MACROD2: variants seen among roughly 807,000 people sequenced by gnomAD.
MACROD2 encodes the protein ADP-ribose glycohydrolase MACROD2.
MACROD2 carries 36 observed loss-of-function variants against 70.4 expected under a neutral mutation model. The observed-to-expected ratio is 0.51, with a 90% confidence interval of 0.39 to 0.68. The LOEUF (loss-of-function observed/expected upper bound fraction) is 0.68. Ranked by LOEUF, MACROD2 falls within the 30% of genes least tolerant of loss-of-function variation. MACROD2 has a pLI of 0.00. For missense variants in MACROD2, 496 were observed against 538.4 expected (o/e 0.92, Z 0.78); for synonymous variants, 172 against 178.8 (o/e 0.96, Z 0.30).
intron 5 of MACROD2, among the ~76,000 whole-genome samples, chr20:15,017,967 C>T (rs1200479869): frequency 2.6e-5 from 4 of 152,200 alleles, no homozygotes; most frequent in Non-Finnish European, 4.4e-5. Flanking sequence ...AGTTCTCTGA[C>T]ATGGCCTGGA....
chr20:15,879,603 C>G (rs35671388), intron 9 of MACROD2, among the ~76,000 whole-genome samples: 16,068 of 152,130 alleles, frequency 0.11, 1,359 homozygotes, highest in East Asian at 0.27. Flanking sequence ...TATGTCACTC[C>G]TCTGCTCAAA....
intron 4 of MACROD2, among the ~76,000 whole-genome samples, chr20:14,539,062 T>C (rs910695630): frequency 2.6e-5 from 4 of 152,176 alleles, no homozygotes; most frequent in Non-Finnish European, 2.9e-5. Context: ...AATGAGTGAA[T>C]GAATGAACAA....
intron 9 of MACROD2, among the ~76,000 whole-genome samples, chr20:15,872,901 C>A (rs190052828): frequency 2.6e-5 from 4 of 152,208 alleles, no homozygotes; most frequent in Admixed American, 1.3e-4. Context: ...TGCTATATGT[C>A]ATTTAACATA....
At chr20:14,489,730 T>G (rs1211921699) in intron 3 of MACROD2, among the ~76,000 whole-genome samples, 1 of 152,172 alleles carries the variant, frequency 6.6e-6, no homozygotes. Context: ...GTTTAAAGAC[T>G]GGTTTCCCAG....
At chr20:14,523,168 G>A (rs1310772048) in intron 4 of MACROD2, among the ~76,000 whole-genome samples, 1 of 152,036 alleles carries the variant, frequency 6.6e-6, no homozygotes, top group Admixed American at 6.6e-5. Context: ...AGGAAGCAAA[G>A]GGATAGTTAC....
chr20:14,486,776 C>T (rs2084740656), intron 3 of MACROD2, among the ~76,000 whole-genome samples: 1 of 151,996 alleles, frequency 6.6e-6, no homozygotes, highest in Admixed American at 6.6e-5. Flanking sequence ...ACCTTGGCCT[C>T]CCAAAGTGCT....
At chr20:14,754,850 G>A (rs2071919687) in intron 5 of MACROD2, among the ~76,000 whole-genome samples, 1 of 146,580 alleles carries the variant, frequency 6.8e-6, no homozygotes. Flanking sequence ...ATGAACTTAA[G>A]GATCACAGTT....
At chr20:14,135,509 T>TC in intron 3 of MACROD2, among the ~76,000 whole-genome samples, 1 of 152,098 alleles carries the variant, frequency 6.6e-6, no homozygotes, top group East Asian at 1.9e-4. Context: ...CTCTACAATT[T>TC]TTTTTTTTAA....
Position 14,613,438 on chromosome 20 carries a change from A to C in MACROD2, c.302-71405A>C, listed in dbSNP as rs1024186373. On this transcript the variant is annotated intron_variant, in intron 4 of 17. Transcript: ENST00000684519. ...ATGGGGAGCAACAGAAGGTAACAGG[A>C]ATGATTGAGAGGGAGACAAAGAGAC... 2.6e-5 allele frequency among the ~76,000 whole-genome samples: 4 copies of C among 152,134 alleles called. No homozygotes were observed. The East Asian group carries it at 7.8e-4, about 29-fold the overall frequency.
rs540726785 is a variant in MACROD2 at position 14,702,628 on chromosome 20, T to C, written c.418+17669T>C. Reference sequence around the variant, plus strand: ...ATATATATGTGTATATATATATACATATATATATGTATATATATATACACA... The same window carrying C: ...ATATATATGTGTATATATATATACACATATATATGTATATATATATACACA... On this transcript the variant is annotated intron_variant, in intron 5 of 17. Coordinates refer to ENST00000684519, the MANE Select transcript of MACROD2 (RefSeq NM_001351661.2). Among the ~76,000 whole-genome samples, 531 of 123,662 alleles carry C rather than the reference T, an allele frequency of 4.3e-3. 45 individuals are homozygous for C. The highest frequency in any genetic ancestry group is 0.014 in the African/African-American group (428 of 30,116). The allele number at this position is 123,662 out of a possible 152,430, so 81.1% of individuals were successfully genotyped here.
rs66890047 is a variant in MACROD2 at position 14,101,993 on chromosome 20, C to CTTT, written c.271+16291_271+16293dup. Among the ~76,000 whole-genome samples, 16 of 25,050 alleles carry CTTT rather than the reference C, an allele frequency of 6.4e-4. 1 individual carries two copies. Among genetic ancestry groups the CTTT allele is most frequent in the South Asian group, 3.3e-3 (1 of 304 alleles). 16.4% of individuals were successfully genotyped at this position (25,050 alleles called of 152,430 possible). ...ATAATTTGGATGTCTTTTAATGAGT[C>CTTT]TTTTTTTTTTTTTTTTTTTTTTTTT... On this transcript the variant is annotated intron_variant, in intron 3 of 17. Transcript: ENST00000684519.
intron 4 of MACROD2, among the ~76,000 whole-genome samples, chr20:14,515,951 A>G (rs979651061): frequency 5.4e-5 from 8 of 148,006 alleles, no homozygotes; most frequent in African/African-American, 2.0e-4. Context: ...TACATTGTAC[A>G]TTATATATTA....
chr20:14,726,818 G>A (rs2071535667), intron 5 of MACROD2, among the ~76,000 whole-genome samples: 1 of 152,102 alleles, frequency 6.6e-6, no homozygotes, highest in South Asian at 2.1e-4. Flanking sequence ...AGCTTATGTG[G>A]CAGTAATAGG....
intron 6 of MACROD2, among the ~76,000 whole-genome samples, chr20:15,405,086 C>T (rs1238834586): frequency 6.6e-6 from 1 of 152,056 alleles, no homozygotes; most frequent in African/African-American, 2.4e-5. Context: ...ATAGGCAAAT[C>T]CATACACACA....
At chr20:14,958,999 G>C (rs2074560712) in intron 5 of MACROD2, among the ~76,000 whole-genome samples, 1 of 152,164 alleles carries the variant, frequency 6.6e-6, no homozygotes, top group Non-Finnish European at 1.5e-5. Context: ...TGTTGGCCTA[G>C]TTGCCCTCTA....
intron 8 of MACROD2, among the ~76,000 whole-genome samples, chr20:15,733,541 A>G (rs1335206186): frequency 6.6e-6 from 1 of 152,204 alleles, no homozygotes; most frequent in African/African-American, 2.4e-5. Context: ...GCATCATAAA[A>G]AAATTGATGT....
At chr20:15,152,075 G>A (rs909911716) in intron 5 of MACROD2, among the ~76,000 whole-genome samples, 3 of 151,902 alleles carry the variant, frequency 2.0e-5, no homozygotes, top group African/African-American at 4.8e-5. Context: ...ATGCCTGGAC[G>A]TCAGGCATCT....
intron 8 of MACROD2, among the ~76,000 whole-genome samples, chr20:15,613,303 C>T (rs2048995172): frequency 6.6e-6 from 1 of 152,186 alleles, no homozygotes; most frequent in Admixed American, 6.5e-5. Context: ...TTGTTCTCTC[C>T]TGATTGGGGT....
chr20:15,589,895 G>C (rs2048654623), intron 8 of MACROD2, among the ~76,000 whole-genome samples: 1 of 151,900 alleles, frequency 6.6e-6, no homozygotes, highest in South Asian at 2.1e-4. Context: ...TAAATTTGTG[G>C]TTTCTAGAGT....
Sources: allele counts gnomAD v4.1 joint callset (sites outside exome capture counted in the v4.1 genomes callset), GRCh38; gene constraint gnomAD v4.1.1; transcripts MANE v1.5; gene names NCBI Gene and HGNC (gene_info 2026-07-23, HGNC 2026-07-21).